MTAP: variants seen among roughly 807,000 people sequenced by gnomAD.
MTAP encodes S-methyl-5'-thioadenosine phosphorylase.
In MTAP, 33 loss-of-function variants were observed where a neutral mutation model predicts 33.6. That is an observed-to-expected ratio of 0.98 (90% CI 0.74 to 1.31). The LOEUF is 1.31. Ranked by LOEUF, MTAP falls within the 40% of genes most tolerant of loss-of-function variation. The pLI, the probability that MTAP is intolerant of heterozygous loss-of-function variation, is 0.00. For missense variants in MTAP, 367 were observed against 360.0 expected (o/e 1.02, Z -0.16); for synonymous variants, 148 against 125.7 (o/e 1.18, Z -1.19).
intron 1 of MTAP, among the ~76,000 whole-genome samples, chr9:21,889,480 G>C (rs1183982256): frequency 6.6e-6 from 1 of 152,002 alleles, no homozygotes; most frequent in East Asian, 1.9e-4. Context: ...CATATTACCA[G>C]AATTGTTTCT....
Position 21,863,690 on chromosome 9 carries a change from C to T in MTAP, c.*1676C>T, listed in dbSNP as rs1422393258. The T allele has an allele frequency of 8.1e-6, 8 of 985,186 alleles. No individual in the cohort carries two copies. The highest frequency in any genetic ancestry group is 7.0e-5 in the African/African-American group (4 of 57,074). The allele number at this position is 985,186 out of a possible 1,614,324, so 61.0% of individuals were successfully genotyped here. On this transcript the variant is annotated 3_prime_UTR_variant, in exon 8 of 8. Coordinates refer to ENST00000644715, the MANE Select transcript of MTAP (RefSeq NM_002451.4). Reference sequence around the variant, plus strand: ...TTTTTATCATGGGGAGATCTTTTTCCTCAGAATTGTTTTCTTTTCACTGTA... The same window carrying T: ...TTTTTATCATGGGGAGATCTTTTTCTTCAGAATTGTTTTCTTTTCACTGTA...
chr9:21,887,830 T>C (rs1242411783), intron 1 of MTAP, among the ~76,000 whole-genome samples: 1 of 152,180 alleles, frequency 6.6e-6, no homozygotes. Context: ...GTTTTCCTTG[T>C]AGAGAGCTTT....
At chr9:21,835,672 A>G (rs1339997246) in intron 4 of MTAP, among the ~76,000 whole-genome samples, 2 of 152,108 alleles carry the variant, frequency 1.3e-5, no homozygotes, top group African/African-American at 4.8e-5. Flanking sequence ...TGGTGCTATT[A>G]AAATTATACA....
At chr9:21,903,639 C>T (rs1818426012) in intron 1 of MTAP, among the ~76,000 whole-genome samples, 1 of 152,132 alleles carries the variant, frequency 6.6e-6, no homozygotes, top group Non-Finnish European at 1.5e-5. Flanking sequence ...CACATTGCTG[C>T]TCCTGTTCCA....
chr9:21,840,211 G>A (rs1825209212), intron 5 of MTAP, among the ~76,000 whole-genome samples: 1 of 150,144 alleles, frequency 6.7e-6, no homozygotes. Context: ...GGGTGACAGA[G>A]ACTCCATGTC....
rs947531066 is a variant in MTAP, at chr9:21,924,609, C to T, written c.148-6399C>T. Among the ~76,000 whole-genome samples, 22 of 152,302 alleles carry T rather than the reference C, an allele frequency of 1.4e-4. No individual in the cohort carries two copies. The East Asian group carries it at 1.5e-3, about 11-fold the overall frequency. On this transcript the variant is annotated intron_variant, in intron 1 of 1. Coordinates refer to the MTAP transcript ENST00000577563. ...ATCATGCTGCCCCATCTGGTTGGTT[C>T]GGGAGACCCCTCATTGGGTTTACCC...
intron 1 of MTAP, among the ~76,000 whole-genome samples, chr9:21,897,717 C>G (rs1818319844): frequency 6.6e-6 from 1 of 152,066 alleles, no homozygotes; most frequent in South Asian, 2.1e-4. Context: ...AACCACTGCT[C>G]AATGAAATAA....
rs1299369184 is a variant in MTAP at position 21,863,085 on chromosome 9, C to T, written c.*1071C>T. 1 of 985,156 alleles carries T rather than the reference C, an allele frequency of 1.0e-6. No homozygotes were observed. Among genetic ancestry groups the T allele is most frequent in the African/African-American group, 1.7e-5 (1 of 57,204 alleles). 61.0% of individuals were successfully genotyped at this position (985,156 alleles called of 1,614,324 possible). ...TGATTTCTGTACAGTCAGAACAGTA[C>T]TTGGGTTTGCAACAGCTTTCTGAGA... On this transcript the variant is annotated 3_prime_UTR_variant, in exon 8 of 8. Transcript: ENST00000644715.
At chr9:21,814,316 A>C (rs1043579046) in intron 1 of MTAP, among the ~76,000 whole-genome samples, 1 of 152,134 alleles carries the variant, frequency 6.6e-6, no homozygotes, top group African/African-American at 2.4e-5. Context: ...TATTTAATGC[A>C]GATGTTCACT....
rs1195204678 is a variant in MTAP at position 21,918,108 on chromosome 9, TG to T, written c.148-12897del. Among the ~76,000 whole-genome samples the T allele has an allele frequency of 1.0e-4, 13 of 129,342 alleles. 1 individual carries two copies. Among genetic ancestry groups the T allele is most frequent in the Non-Finnish European group, 1.7e-4 (11 of 65,000 alleles). 84.9% of individuals were successfully genotyped at this position (129,342 alleles called of 152,430 possible). A position where few individuals can be genotyped will look rare whatever the true frequency, so the allele number is the denominator to read the frequency against. ...GGCTCCGCCTGTAATCCCAGCACTT[TG>T]GGAGGCCGAGGCGGGCGGATCACGA... On this transcript the variant is annotated intron_variant, in intron 1 of 1. Coordinates refer to the MTAP transcript ENST00000577563.
intron 1 of MTAP, chr9:21,893,382 A>G (rs1179910867): frequency 6.6e-6 from 1 of 152,246 alleles, no homozygotes; most frequent in Admixed American, 6.5e-5. Context: ...ATAGAAGGAG[A>G]AAAGAAATAA....
In MTAP at chr9:21,805,023, C is replaced by A. The variant is rs577893551; in HGVS notation, c.33+2242C>A. 2.0e-5 allele frequency among the ~76,000 whole-genome samples: 3 copies of A among 152,344 alleles called. No individual in the cohort carries two copies. In the South Asian group the frequency reaches 6.2e-4, roughly 32 times the overall value. On this transcript the variant is annotated intron_variant, in intron 1 of 7. Transcript: ENST00000644715. Reference sequence around the variant, plus strand: ...GCAGAAAGCAGGCTGCCTCCAGTGCCCACTGCACACCACCCAGGTATAGGT... The same window carrying A: ...GCAGAAAGCAGGCTGCCTCCAGTGCACACTGCACACCACCCAGGTATAGGT...
At chr9:21,890,361 G>T (rs1323116840) in intron 1 of MTAP, among the ~76,000 whole-genome samples, 2 of 152,162 alleles carry the variant, frequency 1.3e-5, no homozygotes, top group Non-Finnish European at 2.9e-5. Context: ...ATGTCTCCTT[G>T]CTGAGAATTC....
At chr9:21,840,567 T>C (rs1324956352) in intron 5 of MTAP, among the ~76,000 whole-genome samples, 1 of 152,210 alleles carries the variant, frequency 6.6e-6, no homozygotes, top group African/African-American at 2.4e-5. Flanking sequence ...AAAGTAGAAG[T>C]AGCAACAGGA....
chr9:21,903,683 G>A (rs181972690), intron 1 of MTAP, among the ~76,000 whole-genome samples: 4 of 152,278 alleles, frequency 2.6e-5, no homozygotes, highest in East Asian at 1.9e-4. Context: ...AATGAAATGC[G>A]AAAAGTTCCC....
chr9:21,820,369 A>T (rs1318327715), intron 4 of MTAP, among the ~76,000 whole-genome samples: 1 of 152,220 alleles, frequency 6.6e-6, no homozygotes, highest in African/African-American at 2.4e-5. Context: ...ATGGCTAGCC[A>T]GTTTTCCCAG....
chr9:21,887,938 G>C (rs1414289192), intron 1 of MTAP, among the ~76,000 whole-genome samples: 1 of 152,170 alleles, frequency 6.6e-6, no homozygotes, highest in African/African-American at 2.4e-5. Flanking sequence ...TTTGGTCACT[G>C]TTGGGATATA....
chr9:21,913,890 G>A (rs1225809476), intron 1 of MTAP, among the ~76,000 whole-genome samples: 1 of 152,164 alleles, frequency 6.6e-6, no homozygotes, highest in Non-Finnish European at 1.5e-5. Context: ...ATCTGACAAA[G>A]GGCTAATATC....
At chr9:21,867,719 C>T (rs188755307), downstream of MTAP, among the ~76,000 whole-genome samples, 180 of 151,060 alleles carry the variant, frequency 1.2e-3, no homozygotes, top group African/African-American at 3.8e-3. Context: ...AAAAAGATGA[C>T]GACAGCCTGA....
Sources: gnomAD v4.1 joint callset for allele counts (sites outside exome capture counted in the v4.1 genomes callset) on GRCh38, gnomAD v4.1.1 for gene constraint, MANE v1.5 for transcripts, NCBI Gene and HGNC (gene_info 2026-07-23, HGNC 2026-07-21) for gene names.